Variants in TSPAN11 observed in about 807,000 individuals in gnomAD.
TSPAN11 encodes tetraspanin 11, also known as tetraspanin-11.
TSPAN11 carries 29 observed loss-of-function variants against 32.9 expected under a neutral mutation model. The observed-to-expected ratio is 0.88, with a 90% confidence interval of 0.66 to 1.20. The LOEUF (loss-of-function observed/expected upper bound fraction) is 1.20, where lower values mean the gene tolerates loss of function less well. Among genes scored for constraint, TSPAN11 ranks in the 50% most tolerant of loss-of-function variants. The pLI is 0.00. For synonymous variants in TSPAN11, 140 were observed against 141.3 expected (o/e 0.99, Z 0.07); for missense variants, 283 against 329.1 (o/e 0.86, Z 1.08).
the TSPAN11 span, among the ~76,000 whole-genome samples, chr12:31,010,717 G>A: frequency 6.6e-6 from 1 of 152,128 alleles, no homozygotes; most frequent in Admixed American, 6.5e-5. Flanking sequence ...GATCCCTTAA[G>A]CCTGGGAGGT....
chr12:30,963,941 C>T lies in TSPAN11; in HGVS notation c.200C>T (p.Ala67Val), dbSNP rs145078714. The T allele has an allele frequency of 3.5e-5, 56 of 1,614,044 alleles. No homozygotes were observed. The African/African-American group carries it at 4.9e-4, about 14-fold the overall frequency. Reference sequence around the variant, plus strand: ...GCCTCCGCCTACATCCTCATCTTTGCGGGCGTACTTGTCATGGTGACCGGC... The same window carrying T: ...GCCTCCGCCTACATCCTCATCTTTGTGGGCGTACTTGTCATGGTGACCGGC... ...FAASAYILIF[A>V]GVLVMVTGFL... The change falls in exon 3 of 8, where the codon GCG (alanine) becomes GTG (valine). Residue 67 changes from alanine (A) to valine (V), a missense_variant. Ala to Val is a moderately conservative substitution (Grantham distance 64). Coordinates refer to ENST00000546076, the MANE Select transcript of TSPAN11 (RefSeq NM_001370302.1).
chr12:30,963,786 C>T (rs1476511970), intron 2 of TSPAN11, 40 bp from the exon 3 acceptor site: 1 of 1,584,964 alleles, frequency 6.3e-7, no homozygotes, highest in Non-Finnish European at 8.5e-7. Context: ...GCTGCCGAGG[C>T]CCCCGCCACC....
chr12:30,929,269 C>CT (rs2140265835), intron 1 of TSPAN11, among the ~76,000 whole-genome samples: 1 of 152,318 alleles, frequency 6.6e-6, no homozygotes, highest in Non-Finnish European at 1.5e-5. Flanking sequence ...GAAATCCGCA[C>CT]TTGACCCTCA....
chr12:31,013,332 A>C, the TSPAN11 span, among the ~76,000 whole-genome samples: 1 of 151,976 alleles, frequency 6.6e-6, no homozygotes, highest in Non-Finnish European at 1.5e-5. Context: ...AGTGGCTCAC[A>C]CCTATAATCC....
intron 7 of TSPAN11, among the ~76,000 whole-genome samples, chr12:30,987,913 G>A (rs112991119): frequency 2.0e-5 from 3 of 152,256 alleles, no homozygotes; most frequent in Non-Finnish European, 4.4e-5. Context: ...TTATTTTCAG[G>A]AGACACATTC....
Position 30,931,879 on chromosome 12 carries a change from C to CAAAAAAAAAAAAAA in TSPAN11, c.-12+5090_-12+5103dup, listed in dbSNP as rs58500177. On this transcript the variant is annotated intron_variant, in intron 1 of 7. Transcript: ENST00000546076. ...TGGGCGACAGAGTGAGACGCTGTAT[C>CAAAAAAAAAAAAAA]AAAAAAAAAAAAAAAAAAAAGAGTC... is the stretch of plus-strand genomic sequence containing the variant. Among the ~76,000 whole-genome samples, 35 of 60,880 alleles carry CAAAAAAAAAAAAAA rather than the reference C, an allele frequency of 5.7e-4. 3 individuals are homozygous for CAAAAAAAAAAAAAA. The highest frequency in any genetic ancestry group is 1.9e-3 in the African/African-American group (30 of 15,982). The allele number at this position is 60,880 out of a possible 152,430, so 39.9% of individuals were successfully genotyped here. A position where few individuals can be genotyped will look rare whatever the true frequency, so the allele number is the denominator to read the frequency against.
rs1380919010 is a variant in TSPAN11, at chr12:30,992,846, C to G, written c.*931C>G. The G allele has an allele frequency of 6.6e-6, 1 of 152,364 alleles. No individual in the cohort carries two copies. Among genetic ancestry groups the G allele is most frequent in the East Asian group, 1.9e-4 (1 of 5,186 alleles). 9.4% of individuals were successfully genotyped at this position (152,364 alleles called of 1,614,324 possible). A position where few individuals can be genotyped will look rare whatever the true frequency, so the allele number is the denominator to read the frequency against. ...GCAGCTCTGAATAGAGGGGCATCTG[C>G]CTGAACCTCACTTTTCCTGGGGCCC... On this transcript the variant is annotated 3_prime_UTR_variant, in exon 8 of 8. Coordinates refer to ENST00000546076, the MANE Select transcript of TSPAN11 (RefSeq NM_001370302.1).
rs1411392192 is a variant in TSPAN11, at chr12:30,992,068, C to A, written c.*153C>A. 1.3e-5 allele frequency: 9 copies of A among 667,788 alleles called. No homozygotes were observed. The highest frequency in any genetic ancestry group is 1.8e-5 in the Non-Finnish European group (8 of 432,700). The allele number at this position is 667,788 out of a possible 1,614,324, so 41.4% of individuals were successfully genotyped here. ...TGCGAATCCACCGAGTGCCTGAGAC[C>A]ATAGCTTCTGTGCCCACCCAGGCAG... On this transcript the variant is annotated 3_prime_UTR_variant, in exon 8 of 8. Coordinates refer to ENST00000546076, the MANE Select transcript of TSPAN11 (RefSeq NM_001370302.1).
At chr12:30,974,910 G>A (rs963635960) in intron 3 of TSPAN11, among the ~76,000 whole-genome samples, 17 of 152,230 alleles carry the variant, frequency 1.1e-4, no homozygotes, top group African/African-American at 2.7e-4. Context: ...AGCAGATGAC[G>A]CGCTGCAGGC....
the TSPAN11 span, among the ~76,000 whole-genome samples, chr12:31,008,914 GC>G: frequency 7.6e-4 from 115 of 152,280 alleles, no homozygotes; most frequent in Admixed American, 1.4e-3. Context: ...AAGGTCACCT[GC>G]CTCCCTCTGG....
At chr12:31,015,051 A>G in the TSPAN11 span, among the ~76,000 whole-genome samples, 1 of 152,128 alleles carries the variant, frequency 6.6e-6, no homozygotes, top group Non-Finnish European at 1.5e-5. The surrounding 1 kb of genome is among the most constrained non-coding windows in gnomAD (Gnocchi z 4.9). Flanking sequence ...CTGCTTATCC[A>G]TTTTGTTACC....
Position 30,994,401 on chromosome 12 carries a change from T to C in TSPAN11, c.*2486T>C, listed in dbSNP as rs551707218. Reference sequence around the variant, plus strand: ...CAGTCCCGTGCAGGCAAAAGGCCCCTGCACACCAGGGCCCTAGGAAAGCAG... The same window carrying C: ...CAGTCCCGTGCAGGCAAAAGGCCCCCGCACACCAGGGCCCTAGGAAAGCAG... On this transcript the variant is annotated 3_prime_UTR_variant, in exon 8 of 8. Transcript: ENST00000546076. 10 of 152,316 alleles carry C rather than the reference T, an allele frequency of 6.6e-5. No individual in the cohort carries two copies. Among genetic ancestry groups the C allele is most frequent in the African/African-American group, 2.2e-4 (9 of 41,556 alleles). 9.4% of individuals were successfully genotyped at this position (152,316 alleles called of 1,614,324 possible). A position where few individuals can be genotyped will look rare whatever the true frequency, so the allele number is the denominator to read the frequency against.
At chr12:30,957,677 C>CT in intron 2 of TSPAN11, among the ~76,000 whole-genome samples, 1 of 118,576 alleles carries the variant, frequency 8.4e-6, no homozygotes, top group African/African-American at 3.1e-5. Context: ...TCCTTCCATC[C>CT]TCCTGTCCTG....
Position 30,990,327 on chromosome 12 carries a change from C to T in TSPAN11, c.703-1529C>T, listed in dbSNP as rs189888829. ...CCCAGCAGGAGACGTACATTGCAGG[C>T]GATGCAGACATGGTTTCCAGCACAA... On this transcript the variant is annotated intron_variant, in intron 7 of 7. Transcript: ENST00000546076. Among the ~76,000 whole-genome samples the T allele has an allele frequency of 1.1e-4, 17 of 152,204 alleles. 1 individual carries two copies. The highest frequency in any genetic ancestry group is 7.2e-4 in the Admixed American group (11 of 15,302).
chr12:30,989,020 G>T (rs1939259454), intron 7 of TSPAN11, among the ~76,000 whole-genome samples: 1 of 152,226 alleles, frequency 6.6e-6, no homozygotes, highest in Non-Finnish European at 1.5e-5. Flanking sequence ...TCAGCGTCCT[G>T]GGAGCCTCCG....
At chr12:30,959,735 A>G (rs56225838) in intron 2 of TSPAN11, among the ~76,000 whole-genome samples, 37,749 of 147,194 alleles carry the variant, frequency 0.26, 5,121 homozygotes, top group African/African-American at 0.35. Context: ...AGCCGAGATC[A>G]CGCCACTGTG....
chr12:30,967,555 A>T (rs527481131), intron 3 of TSPAN11, among the ~76,000 whole-genome samples: 95 of 152,008 alleles, frequency 6.2e-4, no homozygotes, highest in African/African-American at 2.3e-3. Flanking sequence ...GCCTGCGTTC[A>T]CTCCCATCCC....
intron 1 of TSPAN11, among the ~76,000 whole-genome samples, chr12:30,940,135 G>T (rs145943378): frequency 6.6e-6 from 1 of 152,206 alleles, no homozygotes. Flanking sequence ...CATCCTGCAC[G>T]TTCCCACAGG....
chr12:30,986,397 G>C (rs1216115022), intron 7 of TSPAN11, among the ~76,000 whole-genome samples: 1 of 152,180 alleles, frequency 6.6e-6, no homozygotes, highest in Non-Finnish European at 1.5e-5. Context: ...TTAAGTAGCA[G>C]CATCCTCTTT....
Sources: gnomAD v4.1 joint callset for allele counts (sites outside exome capture counted in the v4.1 genomes callset) on GRCh38, gnomAD v4.1.1 for gene constraint, Gnocchi (gnomAD v3.1) non-coding constraint, MANE v1.5 for transcripts, NCBI Gene and HGNC (gene_info 2026-07-23, HGNC 2026-07-21) for gene names.